Variants in SLC51A observed in about 807,000 individuals in gnomAD.
SLC51A encodes the protein solute carrier family 51 member A, also known as organic solute transporter subunit alpha.
SLC51A carries 22 observed loss-of-function variants against 34.8 expected under a neutral mutation model. The ratio of observed to expected loss-of-function variants is 0.63; its 90% CI spans 0.45 to 0.90. SLC51A has a LOEUF of 0.90. SLC51A is among the 40% of genes least tolerant of loss of function. The pLI is 0.00. For synonymous variants in SLC51A, 181 were observed against 176.3 expected, an observed-to-expected ratio of 1.03 and a Z score of -0.21; for missense variants, 371 against 414.8, an observed-to-expected ratio of 0.89 and a Z score of 0.92.
intron 7 of SLC51A, among the ~76,000 whole-genome samples, chr3:196,230,605 C>T (rs984695974): frequency 6.6e-6 from 1 of 151,844 alleles, no homozygotes; most frequent in African/African-American, 2.4e-5. Context: ...TTGCCTCAGC[C>T]TCCCAAGTAG....
At chr3:196,223,445 C>T (rs1056028510) in intron 2 of SLC51A, among the ~76,000 whole-genome samples, 3 of 151,636 alleles carry the variant, frequency 2.0e-5, no homozygotes, top group East Asian at 1.9e-4. Context: ...GAGGACATAA[C>T]GTTACCCGGA....
intron 8 of SLC51A, chr3:196,232,794 G>A: frequency 1.7e-6 from 1 of 580,520 alleles, no homozygotes; most frequent in Non-Finnish European, 3.1e-6. Flanking sequence ...AGAGGAATGG[G>A]AATGGTTAAA....
rs199865569 is a variant in SLC51A, at chr3:196,227,131, G to A, written c.288+12G>A. 1,986 of 1,612,298 alleles carry A rather than the reference G, an allele frequency of 1.2e-3. 4 individuals are homozygous for A. Among genetic ancestry groups the A allele is most frequent in the Admixed American group, 1.5e-3 (90 of 59,822 alleles). On this transcript the variant is annotated intron_variant, in intron 3 of 8. Transcript: ENST00000296327. ...GCTCGGCACCCACGGTGAGGCCCCCGGGGCTGCCCTGTGGGGGGAACTGAA... is the reference window on the plus strand; with the variant it reads ...GCTCGGCACCCACGGTGAGGCCCCCAGGGCTGCCCTGTGGGGGGAACTGAA...
intron 2 of SLC51A, among the ~76,000 whole-genome samples, chr3:196,220,742 T>C (rs1224269285): frequency 2.6e-5 from 4 of 152,056 alleles, no homozygotes; most frequent in African/African-American, 9.7e-5. Context: ...GCAGGCAATC[T>C]AGGAAAGACC....
chr3:196,216,765 C>A lies in SLC51A; in HGVS notation c.38+15C>A. 6.4e-7 allele frequency: 1 copy of A among 1,568,224 alleles called. No homozygotes were observed. The highest frequency in any genetic ancestry group is 8.6e-7 in the Non-Finnish European group (1 of 1,156,396). On this transcript the variant is annotated intron_variant, in intron 1 of 8. Transcript: ENST00000296327. This position sits in a 1 kb window ranked among gnomAD's most constrained non-coding sequence, Gnocchi z 4.5. ...CTTGACCCCAGGTAAGTGAGGGCGG[C>A]GGGCCCTGGGCCAGTCGCTGGGCAG...
intron 4 of SLC51A, 132 bp from the exon 5 acceptor site, chr3:196,227,983 C>G: frequency 1.6e-6 from 2 of 1,250,236 alleles, no homozygotes; most frequent in Non-Finnish European, 2.2e-6. Context: ...GCCGTCTCCT[C>G]TCCCTCGCCC....
intron 1 of SLC51A, among the ~76,000 whole-genome samples, 153 bp from the exon 2 acceptor site, chr3:196,217,689 G>A (rs1723630576): frequency 2.0e-5 from 3 of 151,906 alleles, no homozygotes; most frequent in South Asian, 2.1e-4. Context: ...GAGAGTGAAA[G>A]GAAGGAAGGA....
At chr3:196,218,722 C>T (rs1723660416) in intron 2 of SLC51A, among the ~76,000 whole-genome samples, 1 of 152,154 alleles carries the variant, frequency 6.6e-6, no homozygotes, top group Non-Finnish European at 1.5e-5. Context: ...GGTCGTCCAT[C>T]TACTGCTTTG....
At chr3:196,218,178 T>C (rs1723645918) in intron 2 of SLC51A, among the ~76,000 whole-genome samples, 1 of 152,194 alleles carries the variant, frequency 6.6e-6, no homozygotes, top group African/African-American at 2.4e-5. Flanking sequence ...TCCACAAAAC[T>C]GGCCTCAAAG....
chr3:196,229,623 C>T lies in SLC51A; in HGVS notation c.634-292C>T, dbSNP rs1307432662. Among the ~76,000 whole-genome samples the T allele has an allele frequency of 1.1e-4, 17 of 151,416 alleles. No individual in the cohort carries two copies. The East Asian group carries it at 1.6e-3, about 14-fold the overall frequency. ...AACACCTGACCTCAGGTGATCCGCC[C>T]GCCTCTGCCTCCCAAAGTGCTGGGA... is the stretch of plus-strand genomic sequence containing the variant. On this transcript the variant is annotated intron_variant, in intron 6 of 8. Transcript: ENST00000296327.
intron 2 of SLC51A, among the ~76,000 whole-genome samples, chr3:196,223,493 T>C (rs975640094): frequency 6.6e-6 from 1 of 151,498 alleles, no homozygotes; most frequent in Non-Finnish European, 1.5e-5. Context: ...GTTAGGGAAA[T>C]GAAGACTGGG....
At position 196,228,821 on chromosome 3, in the gene SLC51A, GCTGCT is replaced by G; in HGVS notation, c.535_539del (p.Leu179AspfsTer28). ...CTTCCCCACTCAGGAAGAAGCTTCA[GCTGCT>G]GATGTTGGGCCCTTTCCAATACGCC... On this transcript the variant is annotated frameshift_variant, in exon 6 of 9. Transcript: ENST00000296327. LOFTEE classifies it high-confidence loss of function. The surrounding 1 kb of genome is among the most constrained non-coding windows in gnomAD (Gnocchi z 4.9). 6.2e-7 allele frequency: 1 copy of G among 1,614,146 alleles called. No homozygotes were observed. The highest frequency in any genetic ancestry group is 8.5e-7 in the Non-Finnish European group (1 of 1,180,010).
At chr3:196,220,418 G>GAAAATACAATCTCTACAGA (rs1336572946) in intron 2 of SLC51A, among the ~76,000 whole-genome samples, 11 of 152,178 alleles carry the variant, frequency 7.2e-5, no homozygotes, top group Non-Finnish European at 1.3e-4. Flanking sequence ...CCAATGTGGT[G>GAAAATACAATCTCTACAGA]AAATCCTGTC....
At chr3:196,227,628 C>T (rs1298164862) in intron 3 of SLC51A, 36 bp from the exon 4 acceptor site, 2 of 1,603,942 alleles carry the variant, frequency 1.2e-6, no homozygotes, top group Non-Finnish European at 1.7e-6. Context: ...CAGGGTCTCC[C>T]TCCCGCCCTC....
chr3:196,232,953 T>A (rs1468136983), intron 8 of SLC51A, 110 bp from the exon 9 acceptor site: 1 of 1,116,932 alleles, frequency 9.0e-7, no homozygotes, highest in Non-Finnish European at 1.3e-6. Flanking sequence ...AAGTCCTGAT[T>A]TGGGGATAAA....
chr3:196,228,352 A>G lies in SLC51A; in HGVS notation c.521+79A>G. 1 of 1,503,844 alleles carries G rather than the reference A, an allele frequency of 6.6e-7. No homozygotes were observed. Among genetic ancestry groups the G allele is most frequent in the Non-Finnish European group, 8.8e-7 (1 of 1,130,070 alleles). The allele number at this position is 1,503,844 out of a possible 1,614,324, so 93.2% of individuals were successfully genotyped here. A position where few individuals can be genotyped will look rare whatever the true frequency, so the allele number is the denominator to read the frequency against. On this transcript the variant is annotated intron_variant, in intron 5 of 8. Coordinates refer to ENST00000296327, the MANE Select transcript of SLC51A (RefSeq NM_152672.6). This position sits in a 1 kb window ranked among gnomAD's most constrained non-coding sequence, Gnocchi z 4.9. Reference sequence around the variant, plus strand: ...CCTGGTCCCCTTCAAGGCTCTGGGAATTAGGCGTGAATAGGCCAAAGCCAG... The same window carrying G: ...CCTGGTCCCCTTCAAGGCTCTGGGAGTTAGGCGTGAATAGGCCAAAGCCAG...
At chr3:196,217,500 C>A (rs1288503344) in intron 1 of SLC51A, among the ~76,000 whole-genome samples, 1 of 151,136 alleles carries the variant, frequency 6.6e-6, no homozygotes, top group African/African-American at 2.4e-5. Context: ...CCAAGACAGA[C>A]CACTGCACTC....
At chr3:196,232,983 AC>A in intron 8 of SLC51A, 79 bp from the exon 9 acceptor site, 2 of 1,418,376 alleles carry the variant, frequency 1.4e-6, no homozygotes, top group Non-Finnish European at 2.0e-6. Flanking sequence ...GTGTTGCTCA[AC>A]TCCCGTGCCC....
intron 3 of SLC51A, chr3:196,227,333 G>A (rs1723923338): frequency 3.3e-6 from 2 of 605,982 alleles, no homozygotes; most frequent in African/African-American, 1.9e-5. Context: ...GGAGACAGCT[G>A]GAGATCTGCT....
Sources: allele counts gnomAD v4.1 joint callset (sites outside exome capture counted in the v4.1 genomes callset), GRCh38; gene constraint gnomAD v4.1.1; non-coding constraint Gnocchi (gnomAD v3.1); transcripts MANE v1.5; gene names NCBI Gene and HGNC (gene_info 2026-07-23, HGNC 2026-07-21).